The following ZP2 variants were observed in gnomAD, a reference collection of about 807,000 sequenced individuals.
ZP2 encodes the protein zona pellucida glycoprotein 2.
Under a neutral mutation model 84.0 loss-of-function variants are expected in ZP2, and 51 were observed. That is an observed-to-expected ratio of 0.61 (90% CI 0.49 to 0.77). The LOEUF is 0.77. ZP2 is among the 30% of genes least tolerant of loss of function. The pLI, the probability that ZP2 is intolerant of heterozygous loss-of-function variation, is 0.00. For missense variants in ZP2, 909 were observed against 911.9 expected (o/e 1.00, Z 0.04); for synonymous variants, 375 against 330.9 (o/e 1.13, Z -1.45).
intron 2 of ZP2, 126 bp from the exon 3 acceptor site, chr16:21,210,318 G>T (rs2093269048): frequency 2.8e-6 from 2 of 710,676 alleles, no homozygotes; most frequent in Non-Finnish European, 5.0e-6. Flanking sequence ...CCCCTACCCT[G>T]GGAGAGCTCA....
upstream of ZP2, chr16:21,211,747 C>A (rs913167330): frequency 1.5e-5 from 22 of 1,479,146 alleles, no homozygotes; most frequent in African/African-American, 2.8e-4. Context: ...GCCAGCTGCC[C>A]TGTGGGCCAG....
chr16:21,211,376 G>A lies in ZP2; in HGVS notation c.82C>T (p.Leu28Phe). ...CCTGAAGTCACAAGGGCGAAGAAGA[G>A]AGAAATCGACCTGTAGGTGCTGGAA... ...AGWSTYRSIS[L>F]FFALVTSGNS... Residue 28 changes from leucine (L) to phenylalanine (F), a missense_variant, in exon 2 of 19, where the codon CTC becomes TTC. Transcript: ENST00000574091. The A allele has an allele frequency of 2.5e-6, 4 of 1,614,186 alleles. No homozygotes were observed. The highest frequency in any genetic ancestry group is 2.2e-5 in the South Asian group (2 of 91,080).
chr16:21,211,685 G>T, upstream of ZP2: 1 of 1,555,728 alleles, frequency 6.4e-7, no homozygotes. Flanking sequence ...GAAACGGAAG[G>T]ATTGGGGAAG....
chr16:21,211,419 C>T (rs1361281830), intron 1 of ZP2, 24 bp from the exon 2 acceptor site: 2 of 1,614,058 alleles, frequency 1.2e-6, no homozygotes, highest in East Asian at 2.2e-5. Flanking sequence ...GGGAGATAGT[C>T]AAGGAAGAAT....
chr16:21,210,023 G>T, intron 3 of ZP2, 86 bp downstream of exon 3: 3 of 1,221,676 alleles, frequency 2.5e-6, no homozygotes, highest in East Asian at 2.3e-5. Context: ...GCAGGAGTTT[G>T]GGTACTCTGC....
Position 21,197,573 on chromosome 16 carries a change from T to G in ZP2, c.2145A>C (p.Lys715Asn). The G allele has an allele frequency of 1.2e-6, 2 of 1,614,206 alleles. No homozygotes were observed. The highest frequency in any genetic ancestry group is 1.7e-6 in the Non-Finnish European group (2 of 1,180,034). The stretch of plus-strand genomic sequence containing the variant: ...CAAAGGCAGCCACAGCAGCCACAGC[T>G]TTGGAACCAACATCTCCAGCAGTCT... ...GHKTAGDVGS[K>N]AVAAVAAFAG... The change falls in exon 19 of 19, where the codon AAA (lysine) becomes AAC (asparagine). Residue 715 changes from lysine to asparagine, a missense_variant. By Grantham distance (94) the Lys-to-Asn change is moderately conservative. Coordinates refer to ENST00000574091, the MANE Select transcript of ZP2 (RefSeq NM_001376232.1).
At chr16:21,206,289 G>A (rs1478384504) in intron 5 of ZP2, among the ~76,000 whole-genome samples, 1 of 152,164 alleles carries the variant, frequency 6.6e-6, no homozygotes, top group Admixed American at 6.5e-5. Flanking sequence ...GAGCCACCAT[G>A]CCTGACCAGG....
upstream of ZP2, chr16:21,214,136 C>T: frequency 1.4e-6 from 1 of 703,460 alleles, no homozygotes; most frequent in Non-Finnish European, 1.7e-6. Context: ...AGGGGCAGCA[C>T]AGAGACCCCA....
At chr16:21,211,282 G>A (rs765779432) in intron 2 of ZP2, 25 bp downstream of exon 2, 10 of 1,606,870 alleles carry the variant, frequency 6.2e-6, no homozygotes, top group Non-Finnish European at 6.8e-6. Flanking sequence ...CTGCTAAGAA[G>A]ACTTCTGTCA....
rs769712625 is a variant in ZP2 at position 21,199,759 on chromosome 16, T to G, written c.1814A>C (p.His605Pro). 2 of 1,614,112 alleles carry G rather than the reference T, an allele frequency of 1.2e-6. No individual in the cohort carries two copies. Among genetic ancestry groups the G allele is most frequent in the Non-Finnish European group, 1.7e-6 (2 of 1,180,000 alleles). The change falls in exon 15 of 19, where the codon CAC (histidine) becomes CCC (proline). Residue 605 changes from histidine to proline, a missense_variant. His to Pro is a moderately conservative substitution (Grantham distance 77). Coordinates refer to ENST00000574091, the MANE Select transcript of ZP2 (RefSeq NM_001376232.1). ...MKAFAFVSEA[H>P]VLSSLVYFHC... ...ATCACTTACCAGGCTAGAGAGCACG[T>G]GGGCTTCTGATACAAAGGCAAAAGC...
rs764805656 is a variant in ZP2 at position 21,203,139 on chromosome 16, G to A, written c.1085C>T (p.Ser362Leu). ...MVIYPECLCE[S>L]PVSIVTGELC... ...AAGGTCTTTACCTATAGAAACGGGT[G>A]ACTCACAGAGACACTCAGGATAGAT... Residue 362 changes from serine (S) to leucine (L), a missense_variant, in exon 10 of 19, where the codon TCA becomes TTA. Ser to Leu is a moderately radical substitution (Grantham distance 145). Coordinates refer to ENST00000574091, the MANE Select transcript of ZP2 (RefSeq NM_001376232.1). The A allele has an allele frequency of 1.2e-6, 2 of 1,613,450 alleles. No individual in the cohort carries two copies. Among genetic ancestry groups the A allele is most frequent in the Non-Finnish European group, 1.7e-6 (2 of 1,179,756 alleles).
chr16:21,211,321 T>C lies in ZP2; in HGVS notation c.137A>G (p.Asn46Ser), dbSNP rs762327380. 2 of 1,614,014 alleles carry C rather than the reference T, an allele frequency of 1.2e-6. No homozygotes were observed. The highest frequency in any genetic ancestry group is 1.7e-6 in the Non-Finnish European group (2 of 1,179,992). Reference protein sequence around the residue: ...GNSIDVSQLVNPAFPGTVTCD... With the variant: ...GNSIDVSQLVSPAFPGTVTCD... Reference sequence around the variant, plus strand: ...AAGAGACATACCTGGAAAGGCAGGATTTACCAACTGAGAAACATCTATGGA... The same window carrying C: ...AAGAGACATACCTGGAAAGGCAGGACTTACCAACTGAGAAACATCTATGGA... Residue 46 changes from asparagine (N) to serine (S), a missense_variant, in exon 2 of 19, where the codon AAT (asparagine) becomes AGT (serine). Physicochemically the swap from Asn to Ser is conservative, Grantham distance 46. Transcript: ENST00000574091.
chr16:21,201,572 G>A lies in ZP2; in HGVS notation c.1505-14C>T, dbSNP rs756093343. 6.2e-7 allele frequency: 1 copy of A among 1,602,238 alleles called. No individual in the cohort carries two copies. The highest frequency in any genetic ancestry group is 1.3e-5 in the African/African-American group (1 of 74,792). On this transcript the variant is annotated splice_polypyrimidine_tract_variant and intron_variant, in intron 13 of 18. Coordinates refer to ENST00000574091, the MANE Select transcript of ZP2 (RefSeq NM_001376232.1). ...GGTAGGAATTATCTGAAATTGAATG[G>A]TATTCAAGTAGTTAATGGCTGCAAC...
intron 14 of ZP2, 122 bp downstream of exon 14, chr16:21,201,242 GAAAAC>G: frequency 1.3e-6 from 1 of 789,292 alleles, no homozygotes; most frequent in Non-Finnish European, 1.8e-6. Context: ...GTCCCAATTA[GAAAAC>G]AAGGACTAAA....
rs764063180 is a variant in ZP2, at chr16:21,197,854, G to A, written c.2012-5C>T. The A allele has an allele frequency of 3.3e-5, 53 of 1,613,912 alleles. No individual in the cohort carries two copies. Among genetic ancestry groups the A allele is most frequent in the Non-Finnish European group, 4.3e-5 (51 of 1,179,940 alleles). On this transcript the variant is annotated splice_polypyrimidine_tract_variant and splice_region_variant and intron_variant, in intron 17 of 18. Coordinates refer to ENST00000574091, the MANE Select transcript of ZP2 (RefSeq NM_001376232.1). Reference sequence around the variant, plus strand: ...TTAGATCAGATGAGCCGACACCTGGGAAGAACCTGAGAGTTTAGTACAACA... The same window carrying A: ...TTAGATCAGATGAGCCGACACCTGGAAAGAACCTGAGAGTTTAGTACAACA...
chr16:21,197,651 A>C (rs1198091480), intron 18 of ZP2, 29 bp from the exon 19 acceptor site: 1 of 1,613,772 alleles, frequency 6.2e-7, no homozygotes, highest in Non-Finnish European at 8.5e-7. Context: ...TTTGAGTCTT[A>C]AGTATTTTTA....
At chr16:21,214,405 G>A, upstream of ZP2, 1 of 359,560 alleles carries the variant, frequency 2.8e-6, no homozygotes, top group South Asian at 1.2e-4. Context: ...TCAGGAGGTA[G>A]GAAAAACTAA....
In ZP2 at chr16:21,210,216, G is replaced by A. The variant is rs754846125; in HGVS notation, c.152-24C>T. The A allele has an allele frequency of 2.5e-6, 4 of 1,595,718 alleles. No homozygotes were observed. In the African/African-American group the frequency reaches 5.4e-5, roughly 21 times the overall value. ...GCCTAAGGAGCAAAGGAAGCATTTG[G>A]GGGCTTTGAGTCATGAGTGATGCAA... is the stretch of plus-strand genomic sequence containing the variant. On this transcript the variant is annotated intron_variant, in intron 2 of 18. Transcript: ENST00000574091.
At chr16:21,201,622 C>G in intron 13 of ZP2, 64 bp from the exon 14 acceptor site, 3 of 1,607,828 alleles carry the variant, frequency 1.9e-6, no homozygotes, top group South Asian at 2.2e-5. Context: ...CATCACTGCT[C>G]CATTAGTCTG....
Sources: allele counts gnomAD v4.1 joint callset (sites outside exome capture counted in the v4.1 genomes callset), GRCh38; gene constraint gnomAD v4.1.1; transcripts MANE v1.5; gene names NCBI Gene and HGNC (gene_info 2026-07-23, HGNC 2026-07-21).